The following BPTF variants were observed in gnomAD, a reference collection of about 807,000 sequenced individuals.
BPTF encodes nucleosome-remodeling factor subunit BPTF.
BPTF carries 18 observed loss-of-function variants against 292.5 expected under a neutral mutation model. That is an observed-to-expected ratio of 0.06 (90% CI 0.04 to 0.09). The LOEUF (loss-of-function observed/expected upper bound fraction) is 0.09. BPTF is among the 10% of genes least tolerant of loss of function. The probability of loss-of-function intolerance (pLI) is 1.00; values close to 1 mark genes in which losing one functional copy is unlikely to be tolerated. For synonymous variants in BPTF, 1,225 were observed against 1,251.9 expected, an observed-to-expected ratio of 0.98 and a Z score of 0.45; for missense variants, 2,726 against 3,498.7, an observed-to-expected ratio of 0.78 and a Z score of 5.57.
rs1264912929 is a variant in BPTF, at chr17:67,969,286, C to CA, written c.8539+2640dup. 5.7e-4 allele frequency among the ~76,000 whole-genome samples: 83 copies of CA among 145,260 alleles called. 3 individuals are homozygous for CA. The highest frequency in any genetic ancestry group is 1.3e-3 in the African/African-American group (49 of 39,042). On this transcript the variant is annotated intron_variant, in intron 26 of 27. Transcript: ENST00000306378. The stretch of plus-strand genomic sequence containing the variant: ...ACATGGTGAAACCTCATCTCTACTA[C>CA]AAAAAAAAAATACAAAAATTAGCTG...
intron 20 of BPTF, 44 bp downstream of exon 20, chr17:67,944,416 A>T: frequency 6.3e-7 from 1 of 1,595,468 alleles, no homozygotes; most frequent in Non-Finnish European, 8.5e-7. Context: ...TTACTACTAC[A>T]CGTGGCTGGG....
chr17:67,892,407 G>A (rs2061177709), intron 5 of BPTF, among the ~76,000 whole-genome samples: 1 of 152,178 alleles, frequency 6.6e-6, no homozygotes, highest in Non-Finnish European at 1.5e-5. Flanking sequence ...TTCTAGCTAT[G>A]ATCACTTCAG....
At position 67,929,388 on chromosome 17, in the gene BPTF, T is replaced by G. The variant is rs779703595; in HGVS notation, c.6051T>G (p.Gly2017=). 1.2e-6 allele frequency: 2 copies of G among 1,613,994 alleles called. No homozygotes were observed. The highest frequency in any genetic ancestry group is 2.7e-5 in the African/African-American group (2 of 74,904). ...KVLGIIPSST[G]TSQQTFTSFQ... The stretch of plus-strand genomic sequence containing the variant: ...TGGGTATCATTCCATCAAGTACAGG[T>G]ACCAGTCAGCAAACCTTTACTTCAT... Residue 2017 remains glycine, a synonymous_variant, in exon 17 of 28, where the codon GGT becomes GGG. Transcript: ENST00000306378.
intron 27 of BPTF, chr17:67,981,561 T>C: frequency 9.3e-7 from 1 of 1,072,038 alleles, no homozygotes; most frequent in Non-Finnish European, 1.1e-6. Flanking sequence ...GATTAGTTAA[T>C]ATAATTTTTT....
intron 26 of BPTF, among the ~76,000 whole-genome samples, chr17:67,967,316 A>AT (rs1216698354): frequency 6.7e-6 from 1 of 149,698 alleles, no homozygotes; most frequent in African/African-American, 2.5e-5. Flanking sequence ...TAATTTTTAT[A>AT]TTTTTTGTAG....
At chr17:67,889,589 C>G (rs1387199811) in intron 4 of BPTF, among the ~76,000 whole-genome samples, 1 of 152,158 alleles carries the variant, frequency 6.6e-6, no homozygotes, top group East Asian at 1.9e-4. Context: ...GGGTGGATCA[C>G]TGGAGGTCAG....
At position 67,982,486 on chromosome 17, in the gene BPTF, A is replaced by G. The variant is rs2070533505; in HGVS notation, c.*198A>G. 10 of 468,840 alleles carry G rather than the reference A, an allele frequency of 2.1e-5. 1 individual carries two copies. The South Asian group carries it at 4.6e-4, about 21-fold the overall frequency. The allele number at this position is 468,840 out of a possible 1,614,324, so 29.0% of individuals were successfully genotyped here. ...ACAAGAAAAAAGCAAAGTCAACGACACCATTATCTTGTCAAGATCAGATGG... is the reference window on the plus strand; with the variant it reads ...ACAAGAAAAAAGCAAAGTCAACGACGCCATTATCTTGTCAAGATCAGATGG... On this transcript the variant is annotated 3_prime_UTR_variant, in exon 28 of 28. Coordinates refer to ENST00000306378, the MANE Select transcript of BPTF (RefSeq NM_182641.4).
intron 4 of BPTF, chr17:67,875,640 G>T: frequency 6.2e-7 from 1 of 1,608,020 alleles, no homozygotes. Context: ...GAAGAGACTA[G>T]TCCCTCTGAA....
chr17:67,916,973 C>T (rs958586908), intron 11 of BPTF, among the ~76,000 whole-genome samples: 1 of 151,940 alleles, frequency 6.6e-6, no homozygotes, highest in African/African-American at 2.4e-5. Flanking sequence ...CATTTTAGGA[C>T]ATGATATTTA....
intron 26 of BPTF, among the ~76,000 whole-genome samples, chr17:67,969,309 C>T (rs1310370892): frequency 6.6e-6 from 1 of 150,740 alleles, no homozygotes; most frequent in Admixed American, 6.6e-5. Context: ...CAAAAATTAG[C>T]TGGGTGTGGT....
At chr17:67,968,224 A>G (rs2068347234) in intron 26 of BPTF, among the ~76,000 whole-genome samples, 1 of 151,478 alleles carries the variant, frequency 6.6e-6, no homozygotes, top group East Asian at 1.9e-4. Context: ...CATTTTTTTT[A>G]ATGAGAAGAG....
intron 7 of BPTF, among the ~76,000 whole-genome samples, chr17:67,901,389 T>G (rs1167733253): frequency 6.6e-6 from 1 of 152,040 alleles, no homozygotes; most frequent in Admixed American, 6.5e-5. Context: ...GTTGTGATAC[T>G]TTCTTTTTAA....
At chr17:67,886,507 C>T (rs867030288) in intron 4 of BPTF, among the ~76,000 whole-genome samples, 4 of 151,402 alleles carry the variant, frequency 2.6e-5, no homozygotes, top group African/African-American at 4.9e-5. Flanking sequence ...AAACACAGCA[C>T]TTGCACTCAA....
intron 7 of BPTF, among the ~76,000 whole-genome samples, chr17:67,902,765 C>T (rs945915944): frequency 3.3e-5 from 5 of 152,030 alleles, no homozygotes; most frequent in African/African-American, 9.7e-5. Context: ...AGACTGAAAT[C>T]CCCTCCCACA....
intron 1 of BPTF, among the ~76,000 whole-genome samples, chr17:67,839,168 ACCACCTCC>A (rs1567870239): frequency 2.4e-4 from 37 of 151,966 alleles, no homozygotes; most frequent in African/African-American, 9.0e-4. Flanking sequence ...TGCATTGTGT[ACCACCTCC>A]AAAGCAATGT....
chr17:67,870,793 G>A (rs1388665991), intron 3 of BPTF, among the ~76,000 whole-genome samples: 5 of 96,370 alleles, frequency 5.2e-5, no homozygotes, highest in Admixed American at 1.6e-4. Flanking sequence ...TTTTTGAGAC[G>A]GAGTCTCGCT....
intron 3 of BPTF, among the ~76,000 whole-genome samples, chr17:67,867,992 A>G (rs539693862): frequency 6.6e-6 from 1 of 152,224 alleles, no homozygotes; most frequent in South Asian, 2.1e-4. Context: ...ATCTACATAA[A>G]TTATTTGGAA....
chr17:67,915,604 G>A (rs931222743), intron 11 of BPTF, among the ~76,000 whole-genome samples: 12 of 152,210 alleles, frequency 7.9e-5, no homozygotes, highest in Admixed American at 2.0e-4. Flanking sequence ...AACACTGGAT[G>A]TGGTTTCTGG....
chr17:67,922,415 G>A (rs1176669635), intron 13 of BPTF, among the ~76,000 whole-genome samples: 1 of 152,166 alleles, frequency 6.6e-6, no homozygotes. Context: ...AACACATGTT[G>A]TACACCCAAG....
Sources: allele counts gnomAD v4.1 joint callset (sites outside exome capture counted in the v4.1 genomes callset), GRCh38; gene constraint gnomAD v4.1.1; transcripts MANE v1.5; gene names NCBI Gene and HGNC (gene_info 2026-07-23, HGNC 2026-07-21).